The following RABGAP1L variants were observed in gnomAD, a reference collection of about 807,000 sequenced individuals.
The protein encoded by RABGAP1L is rab GTPase-activating protein 1-like.
Under a neutral mutation model 137.7 loss-of-function variants are expected in RABGAP1L, and 63 were observed. The ratio of observed to expected loss-of-function variants is 0.46; its 90% confidence interval spans 0.37 to 0.56. The LOEUF (loss-of-function observed/expected upper bound fraction) is 0.56. RABGAP1L is among the 20% of genes least tolerant of loss of function. The probability of loss-of-function intolerance (pLI) is 0.00; values close to 1 mark genes in which losing one functional copy is unlikely to be tolerated. For synonymous variants in RABGAP1L, 431 were observed against 433.7 expected, an observed-to-expected ratio of 0.99 and a Z score of 0.08; for missense variants, 1,095 against 1,244.0, an observed-to-expected ratio of 0.88 and a Z score of 1.80.
In RABGAP1L at chr1:174,835,388, G is replaced by C. The variant is rs1319905072; in HGVS notation, c.2340+23428G>C. ...GAACAAGTCAGGATGTAATGATAAT[G>C]AAAATTTACCTTTTATAGGCAATTC... On this transcript the variant is annotated intron_variant, in intron 19 of 25. Coordinates refer to ENST00000681986, the MANE Select transcript of RABGAP1L (RefSeq NM_001366446.1). 2.6e-5 allele frequency among the ~76,000 whole-genome samples: 4 copies of C among 152,166 alleles called. No individual in the cohort carries two copies. In the East Asian group the frequency reaches 7.7e-4, roughly 29 times the overall value.
chr1:174,620,343 A>T (rs1036396866), intron 13 of RABGAP1L, among the ~76,000 whole-genome samples: 2 of 152,228 alleles, frequency 1.3e-5, no homozygotes, highest in African/African-American at 4.8e-5. Flanking sequence ...TCTTTTCAGC[A>T]CCACACCACA....
chr1:174,447,518 C>T (rs1654901044), intron 13 of RABGAP1L, among the ~76,000 whole-genome samples: 1 of 152,086 alleles, frequency 6.6e-6, no homozygotes, highest in African/African-American at 2.4e-5. Context: ...CCACAATGAA[C>T]TTTTTCTTAG....
At chr1:174,794,605 G>A (rs943792037) in intron 18 of RABGAP1L, among the ~76,000 whole-genome samples, 2 of 152,172 alleles carry the variant, frequency 1.3e-5, no homozygotes, top group Admixed American at 6.5e-5. Flanking sequence ...AAAAGATGAT[G>A]TAATAAGCAA....
intron 15 of RABGAP1L, among the ~76,000 whole-genome samples, chr1:174,699,114 C>T (rs1389841453): frequency 2.0e-5 from 3 of 152,018 alleles, no homozygotes; most frequent in Non-Finnish European, 2.9e-5. Context: ...CCACCTCATC[C>T]TCCCAAGTAG....
At chr1:174,204,334 G>T (rs1213464518) in intron 1 of RABGAP1L, among the ~76,000 whole-genome samples, 1 of 152,156 alleles carries the variant, frequency 6.6e-6, no homozygotes, top group East Asian at 1.9e-4. Context: ...GGGCTTTCTA[G>T]ATATAGAGTC....
intron 12 of RABGAP1L, among the ~76,000 whole-genome samples, chr1:174,384,791 C>T (rs1057375053): frequency 6.6e-6 from 1 of 152,158 alleles, no homozygotes; most frequent in African/African-American, 2.4e-5. Flanking sequence ...GTGCTCAATT[C>T]ATATTTATTG....
rs201323511 is a variant in RABGAP1L at position 174,231,250 on chromosome 1, G to T, written c.437G>T (p.Arg146Leu). The T allele has an allele frequency of 3.7e-6, 6 of 1,613,948 alleles. No individual in the cohort carries two copies. The Admixed American group carries it at 1.0e-4, about 27-fold the overall frequency. ...YLGCMKVSSP[R>L]NEVEALRAMA... is the part of the protein sequence containing the mutation. ...GGATGTATGAAGGTTTCTTCCCCAC[G>T]TAATGAAGTAGAGGCTTTACGGGCA... Residue 146 changes from arginine (R) to leucine (L), a missense_variant, in exon 4 of 26, where the codon CGT (arginine) becomes CTT (leucine). Arg to Leu is a moderately radical substitution (Grantham distance 102, BLOSUM62 -2). This residue lies in a region of RABGAP1L where 356 missense variants were observed against 326.3 expected (regional missense o/e 1.09). Coordinates refer to ENST00000681986, the MANE Select transcript of RABGAP1L (RefSeq NM_001366446.1).
intron 17 of RABGAP1L, among the ~76,000 whole-genome samples, chr1:174,707,961 CT>C (rs1680176169): frequency 6.6e-6 from 1 of 152,136 alleles, no homozygotes; most frequent in Non-Finnish European, 1.5e-5. Flanking sequence ...ACTGGTATTT[CT>C]TTTAGTCTTC....
chr1:174,973,874 G>C (rs1011885305), intron 21 of RABGAP1L, among the ~76,000 whole-genome samples: 1 of 152,006 alleles, frequency 6.6e-6, no homozygotes, highest in African/African-American at 2.4e-5. Flanking sequence ...TTATTAGCAG[G>C]GCTCAAACAT....
At chr1:174,354,721 A>G (rs929419073) in intron 11 of RABGAP1L, among the ~76,000 whole-genome samples, 2 of 152,176 alleles carry the variant, frequency 1.3e-5, no homozygotes, top group African/African-American at 2.4e-5. Flanking sequence ...TGTTTTAGAC[A>G]TGAAGTCCTT....
At chr1:174,735,384 A>G (rs1161108848) in intron 17 of RABGAP1L, among the ~76,000 whole-genome samples, 1 of 151,970 alleles carries the variant, frequency 6.6e-6, no homozygotes, top group African/African-American at 2.4e-5. Flanking sequence ...AATAGGGTCA[A>G]CTCAATTAAA....
At chr1:174,638,535 G>A (rs368815960) in intron 14 of RABGAP1L, among the ~76,000 whole-genome samples, 155 of 150,164 alleles carry the variant, frequency 1.0e-3, no homozygotes, top group African/African-American at 3.1e-3. Flanking sequence ...CCCATTACTT[G>A]GTATATACCC....
chr1:174,716,748 T>C lies in RABGAP1L; in HGVS notation c.2169+14492T>C, dbSNP rs566768680. Among the ~76,000 whole-genome samples, 92 of 152,332 alleles carry C rather than the reference T, an allele frequency of 6.0e-4. 1 individual carries two copies. Among genetic ancestry groups the C allele is most frequent in the Admixed American group, 1.8e-3 (27 of 15,298 alleles). The stretch of plus-strand genomic sequence containing the variant: ...ATCCTAGTAGTATAGCCCATTTTGC[T>C]CTTCTTAGGAATATGCCAGAAAATT... On this transcript the variant is annotated intron_variant, in intron 17 of 25. Transcript: ENST00000681986.
intron 13 of RABGAP1L, among the ~76,000 whole-genome samples, chr1:174,510,255 C>A (rs1462868764): frequency 3.9e-5 from 6 of 152,158 alleles, no homozygotes; most frequent in Non-Finnish European, 7.4e-5. Flanking sequence ...TATTTTCCAT[C>A]CATATGTCTT....
intron 13 of RABGAP1L, among the ~76,000 whole-genome samples, chr1:174,517,193 A>G (rs1662944792): frequency 6.6e-6 from 1 of 152,108 alleles, no homozygotes; most frequent in Non-Finnish European, 1.5e-5. Context: ...TGGGGATGCA[A>G]TGTAACTTAA....
chr1:174,766,005 A>G (rs894274485), intron 18 of RABGAP1L, among the ~76,000 whole-genome samples: 15 of 152,280 alleles, frequency 9.9e-5, no homozygotes, highest in African/African-American at 3.4e-4. Flanking sequence ...TTGGAAATAG[A>G]ATCTTTAAAG....
intron 1 of RABGAP1L, among the ~76,000 whole-genome samples, chr1:174,162,697 A>G (rs1172618115): frequency 2.7e-5 from 4 of 148,484 alleles, no homozygotes; most frequent in Non-Finnish European, 5.9e-5. Flanking sequence ...TAAATGGGTC[A>G]GCCGTTGAGT....
intron 18 of RABGAP1L, among the ~76,000 whole-genome samples, chr1:174,804,274 G>GTTTTTTGTATT (rs1553254977): frequency 7.2e-5 from 10 of 138,154 alleles, no homozygotes; most frequent in Admixed American, 6.8e-4. Context: ...GTTTTGTTTT[G>GTTTTTTGTATT]TTTTTTGTTT....
At chr1:174,770,830 GT>G (rs199722737) in intron 18 of RABGAP1L, among the ~76,000 whole-genome samples, 1,640 of 152,254 alleles carry the variant, frequency 0.011, 34 homozygotes, top group African/African-American at 0.038. Context: ...GTGATGGTTA[GT>G]TAGTTCACTT....
Sources: allele counts gnomAD v4.1 joint callset (sites outside exome capture counted in the v4.1 genomes callset), GRCh38; gene constraint gnomAD v4.1.1; regional missense constraint gnomAD v4.1.1; transcripts MANE v1.5; gene names NCBI Gene and HGNC (gene_info 2026-07-23, HGNC 2026-07-21).